Variants in GRID2 observed in about 807,000 individuals in gnomAD.
GRID2 encodes the protein glutamate receptor ionotropic, delta-2.
Under a neutral mutation model 114.8 loss-of-function variants are expected in GRID2, and 33 were observed. That is an observed-to-expected ratio of 0.29 (90% CI 0.22 to 0.38). The LOEUF is 0.38. GRID2 is among the 10% of genes least tolerant of loss of function. The probability of loss-of-function intolerance (pLI) is 1.00; values close to 1 mark genes in which losing one functional copy is unlikely to be tolerated. For synonymous variants in GRID2, 505 were observed against 449.9 expected (o/e 1.12, Z -1.55); for missense variants, 1,184 against 1,257.7 (o/e 0.94, Z 0.89).
At chr4:93,410,095 T>C (rs932064401) in intron 9 of GRID2, among the ~76,000 whole-genome samples, 1 of 152,142 alleles carries the variant, frequency 6.6e-6, no homozygotes, top group Non-Finnish European at 1.5e-5. Flanking sequence ...TTATCTACCC[T>C]CAAGTTTCAG....
At chr4:93,228,083 C>G (rs1745706502) in intron 7 of GRID2, among the ~76,000 whole-genome samples, 1 of 152,304 alleles carries the variant, frequency 6.6e-6, no homozygotes, top group African/African-American at 2.4e-5. Context: ...GTCACTTCCA[C>G]ATATTCAGGT....
At chr4:92,683,197 G>A (rs1733734691) in intron 2 of GRID2, among the ~76,000 whole-genome samples, 1 of 151,934 alleles carries the variant, frequency 6.6e-6, no homozygotes, top group Non-Finnish European at 1.5e-5. Context: ...TACTCGGGAG[G>A]CTGAGGCAGG....
chr4:93,128,625 T>C (rs1322114522), intron 4 of GRID2, among the ~76,000 whole-genome samples: 1 of 152,146 alleles, frequency 6.6e-6, no homozygotes, highest in Admixed American at 6.5e-5. Context: ...CCCTCATTGC[T>C]AAACTGTCCT....
intron 8 of GRID2, among the ~76,000 whole-genome samples, chr4:93,323,590 A>C (rs1175423051): frequency 6.6e-6 from 1 of 152,158 alleles, no homozygotes; most frequent in East Asian, 1.9e-4. Context: ...GAAGAAAGTC[A>C]TTGGTAGCTT....
At chr4:92,991,170 G>C (rs550294908) in intron 2 of GRID2, among the ~76,000 whole-genome samples, 1 of 152,122 alleles carries the variant, frequency 6.6e-6, no homozygotes, top group African/African-American at 2.4e-5. Flanking sequence ...CAGAGAATTG[G>C]TGTGAAACCC....
chr4:92,679,000 A>G (rs1202154385), intron 2 of GRID2, among the ~76,000 whole-genome samples: 4 of 147,694 alleles, frequency 2.7e-5, no homozygotes, highest in Admixed American at 1.4e-4. Context: ...TCCTCCCAGT[A>G]TCTTATAGTA....
intron 4 of GRID2, among the ~76,000 whole-genome samples, chr4:93,129,263 A>G (rs1734573073): frequency 6.6e-6 from 1 of 152,082 alleles, no homozygotes; most frequent in Admixed American, 6.6e-5. Flanking sequence ...TTTCTGAGAC[A>G]TGTTTGTTGT....
At chr4:93,577,058 C>T (rs902707572) in intron 13 of GRID2, among the ~76,000 whole-genome samples, 5 of 152,114 alleles carry the variant, frequency 3.3e-5, no homozygotes, top group African/African-American at 1.2e-4. Context: ...AAATCATCTG[C>T]CTTTCCCCAA....
intron 2 of GRID2, among the ~76,000 whole-genome samples, chr4:93,078,281 AG>A (rs1729514191): frequency 6.6e-6 from 1 of 152,150 alleles, no homozygotes; most frequent in South Asian, 2.1e-4. Context: ...TCACTTCTGT[AG>A]CAAAGGCTTC....
At chr4:92,773,992 T>A (rs1738663812) in intron 2 of GRID2, among the ~76,000 whole-genome samples, 2 of 152,260 alleles carry the variant, frequency 1.3e-5, no homozygotes, top group Admixed American at 6.5e-5. Context: ...TACGTTTCAT[T>A]ACCTTTTTGA....
chr4:92,887,244 C>T (rs1746439418), intron 2 of GRID2, among the ~76,000 whole-genome samples: 1 of 152,224 alleles, frequency 6.6e-6, no homozygotes, highest in African/African-American at 2.4e-5. Flanking sequence ...AGTATCCTTA[C>T]ATAGGACACC....
chr4:92,548,197 T>C (rs1726372900), intron 1 of GRID2, among the ~76,000 whole-genome samples: 1 of 152,046 alleles, frequency 6.6e-6, no homozygotes, highest in East Asian at 1.9e-4. Context: ...ATGTAATATG[T>C]TGAGTTAGGT....
At chr4:93,663,524 G>A (rs564985408) in intron 14 of GRID2, among the ~76,000 whole-genome samples, 1 of 152,284 alleles carries the variant, frequency 6.6e-6, no homozygotes, top group South Asian at 2.1e-4. Context: ...ATGTGTGTGT[G>A]TCTGTGTGTG....
intron 2 of GRID2, among the ~76,000 whole-genome samples, chr4:92,840,884 ACTCTGTTT>A (rs1355198198): frequency 2.0e-5 from 3 of 151,924 alleles, no homozygotes; most frequent in African/African-American, 7.2e-5. Context: ...TTCTCTTGGT[ACTCTGTTT>A]CTCTGTTTCA....
At chr4:93,721,192 G>T (rs1578656143) in intron 14 of GRID2, among the ~76,000 whole-genome samples, 1 of 152,114 alleles carries the variant, frequency 6.6e-6, no homozygotes, top group African/African-American at 2.4e-5. Context: ...AAATTTTTAG[G>T]TTGTGGTGTA....
intron 2 of GRID2, among the ~76,000 whole-genome samples, chr4:92,864,904 G>A (rs17019954): frequency 0.02 from 3,015 of 152,080 alleles, 88 homozygotes; most frequent in African/African-American, 0.069. Context: ...TAACTAACCC[G>A]TCTACCTCCC....
chr4:92,920,572 G>C (rs867129276), intron 2 of GRID2, among the ~76,000 whole-genome samples: 32 of 152,214 alleles, frequency 2.1e-4, no homozygotes, highest in Middle Eastern at 3.4e-3. Flanking sequence ...GCATTTGCTT[G>C]TCTGTAAAGG....
Position 93,455,954 on chromosome 4 carries a change from A to G in GRID2, c.1838A>G (p.Tyr613Cys). The change falls in exon 11 of 16, where the codon TAT (tyrosine) becomes TGT (cysteine). Residue 613 changes from tyrosine (Y) to cysteine (C), a missense_variant. By Grantham distance (194) the Tyr-to-Cys change is radical (BLOSUM62 -2). This residue lies in a region of GRID2 where 717 missense variants were observed against 796.9 expected (regional missense o/e 0.90). Transcript: ENST00000282020. ...CTCTACAACTCCATGTGGTTTGTGT[A>G]TGGATCTTTTGTACAACAAGGTAAG... Reference protein sequence around the residue: ...TTLYNSMWFVYGSFVQQGGEV... With the variant: ...TTLYNSMWFVCGSFVQQGGEV... 1 of 1,601,622 alleles carries G rather than the reference A, an allele frequency of 6.2e-7. No individual in the cohort carries two copies. The highest frequency in any genetic ancestry group is 8.6e-7 in the Non-Finnish European group (1 of 1,168,640).
At chr4:92,546,165 A>G (rs180719063) in intron 1 of GRID2, among the ~76,000 whole-genome samples, 23 of 152,308 alleles carry the variant, frequency 1.5e-4, no homozygotes, top group Non-Finnish European at 3.4e-4. Context: ...ATGTGACTGT[A>G]TATTTAGAGA....
Sources: allele counts gnomAD v4.1 joint callset (sites outside exome capture counted in the v4.1 genomes callset), GRCh38; gene constraint gnomAD v4.1.1; regional missense constraint gnomAD v4.1.1; transcripts MANE v1.5; gene names NCBI Gene and HGNC (gene_info 2026-07-23, HGNC 2026-07-21).